The following LSMEM1 variants were observed in gnomAD, a reference collection of about 807,000 sequenced individuals.
The protein encoded by LSMEM1 is leucine rich single-pass membrane protein 1.
In LSMEM1, 10 loss-of-function variants were observed where a neutral mutation model predicts 11.3. The observed-to-expected ratio is 0.89, with a 90% confidence interval of 0.55 to 1.50. The LOEUF is 1.50. Ranked by LOEUF, LSMEM1 falls within the 40% of genes most tolerant of loss-of-function variation. LSMEM1 has a pLI of 0.00. For synonymous variants in LSMEM1, 65 were observed against 59.3 expected (o/e 1.10, Z -0.44); for missense variants, 151 against 152.9 (o/e 0.99, Z 0.06).
In LSMEM1 at chr7:112,490,586, C is replaced by T. The variant is rs1316245639; in HGVS notation, c.*637C>T. 1 of 152,250 alleles carries T rather than the reference C, an allele frequency of 6.6e-6. No homozygotes were observed. The highest frequency in any genetic ancestry group is 1.5e-5 in the Non-Finnish European group (1 of 68,112). The allele number at this position is 152,250 out of a possible 1,614,324, so 9.4% of individuals were successfully genotyped here. On this transcript the variant is annotated 3_prime_UTR_variant, in exon 4 of 4. Coordinates refer to ENST00000312849, the MANE Select transcript of LSMEM1 (RefSeq NM_182597.3). ...ATTAATTCAACTAATGTTTATTAAG[C>T]TCCTACTCTGTGCAAATCACTCTAC...
rs768787293 is a variant in LSMEM1, at chr7:112,486,831, C to A, written c.128-92C>A. On this transcript the variant is annotated intron_variant, in intron 2 of 3. Coordinates refer to ENST00000312849, the MANE Select transcript of LSMEM1 (RefSeq NM_182597.3). The stretch of plus-strand genomic sequence containing the variant: ...AGAGAGAAAGTGGGTGTGTCCATTA[C>A]TCACGGTCTAACACTGGGGTACTGT... The A allele has an allele frequency of 3.3e-4, 503 of 1,538,096 alleles. 3 individuals carry two copies. In the Middle Eastern group the frequency reaches 4.6e-3, roughly 14 times the overall value.
chr7:112,484,918 T>C lies in LSMEM1; in HGVS notation c.102T>C (p.Cys34=). The change falls in exon 2 of 4, where the codon TGT becomes TGC. Residue 34 remains cysteine, a synonymous_variant. Transcript: ENST00000312849. Reference sequence around the variant, plus strand: ...ATGACTTAAACAAACTAAACCTCTGTCCAGCCGGATCGCAGCATCTGTTCC... The same window carrying C: ...ATGACTTAAACAAACTAAACCTCTGCCCAGCCGGATCGCAGCATCTGTTCC... ...SINDLNKLNL[C]PAGSQHLFPL... 6.2e-7 allele frequency: 1 copy of C among 1,612,582 alleles called. No homozygotes were observed. The highest frequency in any genetic ancestry group is 1.1e-5 in the South Asian group (1 of 91,042).
At chr7:112,486,729 T>TTG in intron 2 of LSMEM1, 194 bp from the exon 3 acceptor site, 1 of 601,776 alleles carries the variant, frequency 1.7e-6, no homozygotes, top group Non-Finnish European at 2.7e-6. Flanking sequence ...TGAGCCGAGA[T>TTG]CAAGCCACTG....
intron 1 of LSMEM1, among the ~76,000 whole-genome samples, chr7:112,483,174 C>G (rs1796063282): frequency 6.8e-6 from 1 of 147,796 alleles, no homozygotes; most frequent in Non-Finnish European, 1.5e-5. Context: ...TCTCCCAACT[C>G]TATATTGCTC....
chr7:112,487,063 C>G lies in LSMEM1; in HGVS notation c.256+12C>G, dbSNP rs1796147123. The G allele has an allele frequency of 1.2e-6, 2 of 1,610,204 alleles. No individual in the cohort carries two copies. Among genetic ancestry groups the G allele is most frequent in the East Asian group, 2.2e-5 (1 of 44,846 alleles). On this transcript the variant is annotated intron_variant, in intron 3 of 3. Transcript: ENST00000312849. ...GATATTTCTAATAGGTAAGTACCAC[C>G]ACAGGTTTCTTTTTTATTACTTGTA...
chr7:112,485,169 C>A (rs1796105226), intron 2 of LSMEM1, among the ~76,000 whole-genome samples: 1 of 152,112 alleles, frequency 6.6e-6, no homozygotes, highest in East Asian at 1.9e-4. Context: ...CTCTTGACTT[C>A]AAATATTCTG....
At chr7:112,486,792 T>G in intron 2 of LSMEM1, 131 bp from the exon 3 acceptor site, 1 of 1,317,024 alleles carries the variant, frequency 7.6e-7, no homozygotes, top group South Asian at 1.5e-5. Context: ...AAAGAGTCAC[T>G]TTCTAGGCTT....
In LSMEM1 at chr7:112,483,816, C is replaced by T. The variant is rs552833285; in HGVS notation, c.-5-996C>T. On this transcript the variant is annotated intron_variant, in intron 1 of 3. Coordinates refer to ENST00000312849, the MANE Select transcript of LSMEM1 (RefSeq NM_182597.3). Reference sequence around the variant, plus strand: ...TCCTCATTTGCGGAAAGGATGGGAACTAAAGCACATCTAACACCCTTTCTA... The same window carrying T: ...TCCTCATTTGCGGAAAGGATGGGAATTAAAGCACATCTAACACCCTTTCTA... Among the ~76,000 whole-genome samples the T allele has an allele frequency of 2.6e-5, 4 of 152,294 alleles. No homozygotes were observed. The East Asian group carries it at 7.7e-4, about 29-fold the overall frequency.
chr7:112,481,749 A>G (rs1343986005), intron 1 of LSMEM1, among the ~76,000 whole-genome samples: 1 of 152,270 alleles, frequency 6.6e-6, no homozygotes, highest in Non-Finnish European at 1.5e-5. Context: ...TAAATGACAA[A>G]AAATCAACTG....
At chr7:112,484,714 T>A in intron 1 of LSMEM1, 98 bp from the exon 2 acceptor site, 7 of 1,277,762 alleles carry the variant, frequency 5.5e-6, no homozygotes, top group Non-Finnish European at 7.6e-6. Flanking sequence ...TGTGGGTGGT[T>A]CTTCATAGGC....
intron 2 of LSMEM1, among the ~76,000 whole-genome samples, chr7:112,485,560 A>G (rs1210196636): frequency 2.6e-5 from 4 of 152,156 alleles, no homozygotes; most frequent in African/African-American, 7.2e-5. Context: ...TTTGTTTCAT[A>G]TGCACTCTAA....
At chr7:112,483,052 T>A (rs2117360600) in intron 1 of LSMEM1, among the ~76,000 whole-genome samples, 1 of 152,286 alleles carries the variant, frequency 6.6e-6, no homozygotes, top group South Asian at 2.1e-4. Context: ...ACTGGGAAAT[T>A]GTTTTTTTAA....
chr7:112,489,805 T>G lies in LSMEM1; in HGVS notation c.257-5T>G. 2.5e-6 allele frequency: 4 copies of G among 1,609,924 alleles called. No individual in the cohort carries two copies. Among genetic ancestry groups the G allele is most frequent in the Non-Finnish European group, 3.4e-6 (4 of 1,178,570 alleles). On this transcript the variant is annotated splice_region_variant and splice_polypyrimidine_tract_variant and intron_variant, in intron 3 of 3. Coordinates refer to ENST00000312849, the MANE Select transcript of LSMEM1 (RefSeq NM_182597.3). Reference sequence around the variant, plus strand: ...ATGTAACACAGTCTGTTTTCTGTTTTGAAGTTCAAACTGGAAACAAGATGG... The same window carrying G: ...ATGTAACACAGTCTGTTTTCTGTTTGGAAGTTCAAACTGGAAACAAGATGG...
Position 112,485,576 on chromosome 7 carries a change from C to T in LSMEM1, c.127+633C>T, listed in dbSNP as rs79584888. On this transcript the variant is annotated intron_variant, in intron 2 of 3. Coordinates refer to ENST00000312849, the MANE Select transcript of LSMEM1 (RefSeq NM_182597.3). The stretch of plus-strand genomic sequence containing the variant: ...TTGTTTCATATGCACTCTAAACTTA[C>T]TGTTCCAATTTTATATCTATTATTT... Among the ~76,000 whole-genome samples the T allele has an allele frequency of 8.6e-3, 1,308 of 152,282 alleles. 13 individuals are homozygous for T. The highest frequency in any genetic ancestry group is 0.028 in the African/African-American group (1,174 of 41,554).
Position 112,484,866 on chromosome 7 carries a change from G to C in LSMEM1, c.50G>C (p.Gly17Ala), listed in dbSNP as rs1399547484. Residue 17 changes from glycine (G) to alanine (A), a missense_variant, in exon 2 of 4, where the codon GGA becomes GCA. Physicochemically the swap from Gly to Ala is moderately conservative, Grantham distance 60. Coordinates refer to ENST00000312849, the MANE Select transcript of LSMEM1 (RefSeq NM_182597.3). The part of the protein sequence containing the change: ...DTGSCGIQED[G>A]KLYVVDSIND... Reference sequence around the variant, plus strand: ...GGTTCTTGTGGCATTCAGGAAGATGGAAAGCTTTATGTGGTGGATTCCATA... The same window carrying C: ...GGTTCTTGTGGCATTCAGGAAGATGCAAAGCTTTATGTGGTGGATTCCATA... 2 of 1,613,778 alleles carry C rather than the reference G, an allele frequency of 1.2e-6. No individual in the cohort carries two copies. Among genetic ancestry groups the C allele is most frequent in the Non-Finnish European group, 1.7e-6 (2 of 1,179,842 alleles).
chr7:112,485,161 C>T (rs1796104990), intron 2 of LSMEM1, among the ~76,000 whole-genome samples: 1 of 152,140 alleles, frequency 6.6e-6, no homozygotes, highest in Non-Finnish European at 1.5e-5. Flanking sequence ...GATTTGAACT[C>T]TTGACTTCAA....
intron 2 of LSMEM1, among the ~76,000 whole-genome samples, 154 bp downstream of exon 2, chr7:112,485,097 CT>C (rs1796104132): frequency 1.3e-5 from 2 of 152,058 alleles, no homozygotes; most frequent in African/African-American, 4.8e-5. Context: ...GGCAATTTTG[CT>C]TTTGTTTTCT....
At chr7:112,487,175 A>AAAAAGAAGCAATG in intron 3 of LSMEM1, 124 bp downstream of exon 3, 1 of 1,100,264 alleles carries the variant, frequency 9.1e-7, no homozygotes, top group South Asian at 1.6e-5. Flanking sequence ...CTTACATTGA[A>AAAAAGAAGCAATG]AAAAGAAGGA....
upstream of LSMEM1, chr7:112,480,723 A>G: frequency 2.3e-6 from 1 of 440,910 alleles, no homozygotes; most frequent in Non-Finnish European, 4.6e-6. Flanking sequence ...GTCTGTATCC[A>G]TGAAATCGCC....
Sources: allele counts gnomAD v4.1 joint callset (sites outside exome capture counted in the v4.1 genomes callset), GRCh38; gene constraint gnomAD v4.1.1; transcripts MANE v1.5; gene names NCBI Gene and HGNC (gene_info 2026-07-23, HGNC 2026-07-21).